Variants in PDLIM5 observed in about 807,000 individuals in gnomAD.
PDLIM5 encodes the protein PDZ and LIM domain protein 5.
In PDLIM5, 34 loss-of-function variants were observed where a neutral mutation model predicts 64.2. The ratio of observed to expected loss-of-function variants is 0.53; its 90% CI spans 0.40 to 0.71. PDLIM5 has a LOEUF of 0.71. Ranked by LOEUF, PDLIM5 falls within the 30% of genes least tolerant of loss-of-function variation. The pLI is 0.00. For missense variants in PDLIM5, 683 were observed against 733.6 expected, an observed-to-expected ratio of 0.93 and a Z score of 0.80; for synonymous variants, 253 against 269.1, an observed-to-expected ratio of 0.94 and a Z score of 0.59.
At chr4:94,645,629 G>T (rs554107580) in intron 9 of PDLIM5, among the ~76,000 whole-genome samples, 1 of 152,144 alleles carries the variant, frequency 6.6e-6, no homozygotes, top group South Asian at 2.1e-4. Context: ...GAATATAATA[G>T]TAAGCAATAC....
intron 3 of PDLIM5, among the ~76,000 whole-genome samples, chr4:94,560,290 G>A (rs965825070): frequency 3.9e-5 from 6 of 152,136 alleles, no homozygotes; most frequent in Non-Finnish European, 7.4e-5. Context: ...GACCTGGATT[G>A]TTGCTAATTG....
At chr4:94,589,649 A>C (rs578033760) in intron 7 of PDLIM5, among the ~76,000 whole-genome samples, 46 of 152,266 alleles carry the variant, frequency 3.0e-4, no homozygotes, top group African/African-American at 1.1e-3. Flanking sequence ...GACTTTCTTC[A>C]TTATAGGCTT....
intron 3 of PDLIM5, among the ~76,000 whole-genome samples, chr4:94,558,075 C>T (rs893508490): frequency 2.0e-5 from 3 of 152,192 alleles, no homozygotes; most frequent in East Asian, 1.9e-4. Flanking sequence ...TTTTGAGATA[C>T]GTCCCATCAG....
intron 7 of PDLIM5, chr4:94,608,221 A>T: frequency 7.1e-7 from 1 of 1,409,434 alleles, no homozygotes; most frequent in Non-Finnish European, 9.6e-7. Flanking sequence ...CAAAGCTGGT[A>T]GTGAATTTAA....
intron 3 of PDLIM5, among the ~76,000 whole-genome samples, chr4:94,543,458 C>A (rs1186320771): frequency 6.6e-6 from 1 of 152,110 alleles, no homozygotes; most frequent in Non-Finnish European, 1.5e-5. Flanking sequence ...CACTTAATAT[C>A]TATTCTCTCA....
intron 8 of PDLIM5, among the ~76,000 whole-genome samples, chr4:94,637,335 C>T (rs1324078128): frequency 6.6e-6 from 1 of 152,040 alleles, no homozygotes; most frequent in Non-Finnish European, 1.5e-5. Context: ...CTGAGGCAGA[C>T]AGATCACAAA....
intron 2 of PDLIM5, among the ~76,000 whole-genome samples, chr4:94,515,244 C>T (rs1005073081): frequency 2.0e-5 from 3 of 152,052 alleles, no homozygotes; most frequent in African/African-American, 4.8e-5. Context: ...AAGAGCCTTG[C>T]CTCTTCTTTA....
In PDLIM5 at chr4:94,665,119, T is replaced by G. The variant is rs1459541555; in HGVS notation, c.*1052T>G. 1 of 963,458 alleles carries G rather than the reference T, an allele frequency of 1.0e-6. No individual in the cohort carries two copies. Among genetic ancestry groups the G allele is most frequent in the African/African-American group, 1.8e-5 (1 of 56,858 alleles). 59.7% of individuals were successfully genotyped at this position (963,458 alleles called of 1,614,324 possible). A position where few individuals can be genotyped will look rare whatever the true frequency, so the allele number is the denominator to read the frequency against. ...ACCTATATTAGGCAAATTCCATTTT[T>G]TTCCCTTGTGCTAAGGTAAAGATTT... is the stretch of plus-strand genomic sequence containing the variant. On this transcript the variant is annotated 3_prime_UTR_variant, in exon 13 of 13. Coordinates refer to ENST00000317968, the MANE Select transcript of PDLIM5 (RefSeq NM_006457.5).
intron 2 of PDLIM5, among the ~76,000 whole-genome samples, chr4:94,467,314 G>GTTTT (rs1173951811): frequency 3.6e-5 from 5 of 138,036 alleles, no homozygotes; most frequent in Non-Finnish European, 6.3e-5. Context: ...ACTGAGGAAA[G>GTTTT]TTTTTTTTTT....
At chr4:94,630,548 A>AT (rs1740063023) in intron 8 of PDLIM5, among the ~76,000 whole-genome samples, 2 of 151,524 alleles carry the variant, frequency 1.3e-5, no homozygotes, top group Non-Finnish European at 1.5e-5. Flanking sequence ...TAATTTTTGT[A>AT]TTTTTTCATA....
intron 2 of PDLIM5, chr4:94,456,205 C>A: frequency 2.2e-6 from 1 of 449,542 alleles, no homozygotes; most frequent in Non-Finnish European, 3.9e-6. Context: ...ATTATACACA[C>A]AGTTTTTTTT....
At chr4:94,596,997 T>C (rs557891145) in intron 7 of PDLIM5, among the ~76,000 whole-genome samples, 1 of 152,244 alleles carries the variant, frequency 6.6e-6, no homozygotes, top group Non-Finnish European at 1.5e-5. Flanking sequence ...CAGATGCACC[T>C]AATTAACTAC....
rs534279839 is a variant in PDLIM5 at position 94,490,640 on chromosome 4, A to C, written c.97-33084A>C. Among the ~76,000 whole-genome samples, 25 of 152,210 alleles carry C rather than the reference A, an allele frequency of 1.6e-4. 1 individual carries two copies. In the South Asian group the frequency reaches 5.0e-3, roughly 30 times the overall value. On this transcript the variant is annotated intron_variant, in intron 2 of 12. Coordinates refer to ENST00000317968, the MANE Select transcript of PDLIM5 (RefSeq NM_006457.5). ...TAGGCTGGTATTAAAATGAGTCAGC[A>C]TTTCTGATAATTGTGTAAATGTTAA...
At chr4:94,613,380 A>G (rs1738525322) in intron 7 of PDLIM5, among the ~76,000 whole-genome samples, 1 of 152,216 alleles carries the variant, frequency 6.6e-6, no homozygotes, top group Non-Finnish European at 1.5e-5. Flanking sequence ...AAGTATTCTT[A>G]ATCTGTATCT....
At position 94,662,408 on chromosome 4, in the gene PDLIM5, CT is replaced by C. The variant is rs1742806115; in HGVS notation, c.1586-13del. 1 of 1,158,780 alleles carries C rather than the reference CT, an allele frequency of 8.6e-7. No individual in the cohort carries two copies. Among genetic ancestry groups the C allele is most frequent in the Admixed American group, 1.7e-5 (1 of 58,544 alleles). The allele number at this position is 1,158,780 out of a possible 1,614,324, so 71.8% of individuals were successfully genotyped here. ...CATGTTTAAATTATGTCTCTCTGCCCTCCCTTAATACAGATTATTATGCCCT... is the reference window on the plus strand; with the variant it reads ...CATGTTTAAATTATGTCTCTCTGCCCCCCTTAATACAGATTATTATGCCCT... On this transcript the variant is annotated splice_polypyrimidine_tract_variant and intron_variant, in intron 11 of 12. Transcript: ENST00000317968.
chr4:94,459,140 A>G (rs923348901), intron 2 of PDLIM5, among the ~76,000 whole-genome samples: 17 of 152,222 alleles, frequency 1.1e-4, no homozygotes, highest in Non-Finnish European at 2.2e-4. Flanking sequence ...ATTCAAGGCT[A>G]TATTTTGGCC....
In PDLIM5 at chr4:94,654,588, A is replaced by T. The variant is rs1282620651; in HGVS notation, c.1412A>T (p.Tyr471Phe). The change falls in exon 10 of 13, where the codon TAT becomes TTT. Residue 471 changes from tyrosine (Y) to phenylalanine (F), a missense_variant. By Grantham distance (22) the Tyr-to-Phe change is conservative. Transcript: ENST00000317968. ...EKGALYCELC[Y>F]EKFFAPECGR... ...GGAGCCCTGTATTGTGAGCTGTGCT[A>T]TGAGAAATTCTTTGCCCCTGAATGT... 4 of 1,612,928 alleles carry T rather than the reference A, an allele frequency of 2.5e-6. No individual in the cohort carries two copies. Among genetic ancestry groups the T allele is most frequent in the Non-Finnish European group, 2.5e-6 (3 of 1,179,006 alleles).
intron 7 of PDLIM5, among the ~76,000 whole-genome samples, chr4:94,612,240 C>A (rs184973022): frequency 6.6e-6 from 1 of 151,846 alleles, no homozygotes; most frequent in Non-Finnish European, 1.5e-5. Context: ...CAAAAGCAAA[C>A]AAACAAACAA....
intron 2 of PDLIM5, chr4:94,456,138 T>C: frequency 1.9e-6 from 1 of 536,074 alleles, no homozygotes; most frequent in Non-Finnish European, 3.0e-6. Context: ...AAAAGGTTTG[T>C]TTTTGCATAT....
Sources: allele counts gnomAD v4.1 joint callset (sites outside exome capture counted in the v4.1 genomes callset), GRCh38; gene constraint gnomAD v4.1.1; transcripts MANE v1.5; gene names NCBI Gene and HGNC (gene_info 2026-07-23, HGNC 2026-07-21).